The following RARB variants were observed in gnomAD, a reference collection of about 807,000 sequenced individuals.
RARB encodes the protein HBV-activated protein.
Under a neutral mutation model 51.9 loss-of-function variants are expected in RARB, and 17 were observed. The observed-to-expected ratio is 0.33, with a 90% CI of 0.22 to 0.49. The LOEUF is 0.49. Ranked by LOEUF, RARB falls within the 20% of genes least tolerant of loss-of-function variation. RARB has a pLI of 0.99. For synonymous variants in RARB, 215 were observed against 195.4 expected, an observed-to-expected ratio of 1.10 and a Z score of -0.84; for missense variants, 369 against 550.8, an observed-to-expected ratio of 0.67 and a Z score of 3.30.
intron 5 of RARB, among the ~76,000 whole-genome samples, chr3:25,181,021 A>G (rs1455152423): frequency 6.6e-6 from 1 of 152,176 alleles, no homozygotes; most frequent in Non-Finnish European, 1.5e-5. Context: ...CAACTTTTCT[A>G]AGGTTGCTCA....
chr3:25,316,869 A>T (rs1385661525), intron 5 of RARB, among the ~76,000 whole-genome samples: 1 of 152,214 alleles, frequency 6.6e-6, no homozygotes, highest in East Asian at 1.9e-4. Context: ...CTAAAATTCA[A>T]GAAGGAACTC....
At chr3:25,390,574 C>A (rs1575365192) in intron 5 of RARB, among the ~76,000 whole-genome samples, 1 of 148,388 alleles carries the variant, frequency 6.7e-6, no homozygotes, top group Non-Finnish European at 1.5e-5. Flanking sequence ...AAGACCCGTT[C>A]ATTTTTTTCT....
intron 1 of RARB, chr3:25,458,177 G>A (rs1322885846): frequency 6.6e-6 from 1 of 152,208 alleles, no homozygotes; most frequent in Admixed American, 6.5e-5. Context: ...TAAAGATGTG[G>A]TGAGATTAGC....
chr3:25,563,313 A>G (rs1249160448), intron 3 of RARB, among the ~76,000 whole-genome samples: 1 of 152,194 alleles, frequency 6.6e-6, no homozygotes, highest in Non-Finnish European at 1.5e-5. Context: ...CATTCAACAC[A>G]TACTCTTCGG....
At chr3:25,034,539 C>A (rs1322707551) in intron 2 of RARB, among the ~76,000 whole-genome samples, 1 of 152,192 alleles carries the variant, frequency 6.6e-6, no homozygotes, top group African/African-American at 2.4e-5. Flanking sequence ...CTCAGTGTTA[C>A]AAAAGTAGAT....
intron 1 of RARB, among the ~76,000 whole-genome samples, chr3:24,843,983 T>C (rs1182132639): frequency 6.6e-6 from 1 of 151,614 alleles, no homozygotes; most frequent in Non-Finnish European, 1.5e-5. Flanking sequence ...CACTTGCACA[T>C]ACATCAATAG....
At chr3:24,879,744 T>C (rs1703120073) in intron 2 of RARB, among the ~76,000 whole-genome samples, 1 of 152,174 alleles carries the variant, frequency 6.6e-6, no homozygotes, top group Non-Finnish European at 1.5e-5. Context: ...ACTGTAAACC[T>C]GTGTGAGGTC....
chr3:25,397,299 A>G (rs1258796130), intron 5 of RARB, among the ~76,000 whole-genome samples: 23 of 152,134 alleles, frequency 1.5e-4, no homozygotes. Flanking sequence ...TCCTTCTCCC[A>G]TGATCTGGAT....
chr3:25,471,796 A>G (rs796277644), intron 2 of RARB, among the ~76,000 whole-genome samples: 22 of 152,328 alleles, frequency 1.4e-4, no homozygotes, highest in African/African-American at 5.3e-4. Flanking sequence ...CTATTATTGC[A>G]ATTATCCTCT....
chr3:25,072,820 T>C (rs1416047689), intron 3 of RARB, among the ~76,000 whole-genome samples: 1 of 152,062 alleles, frequency 6.6e-6, no homozygotes, highest in Non-Finnish European at 1.5e-5. Flanking sequence ...GCCATTCTCC[T>C]GCCTCAGCCT....
At chr3:25,547,760 A>G (rs1279053637) in intron 3 of RARB, among the ~76,000 whole-genome samples, 4 of 152,230 alleles carry the variant, frequency 2.6e-5, no homozygotes, top group Non-Finnish European at 5.9e-5. Flanking sequence ...GAATGGACAT[A>G]GAGAAGGCAG....
In RARB at chr3:25,252,559, ACTT is replaced by A. The variant is rs1702752611; in HGVS notation, c.178+77988_178+77990del. 2.0e-5 allele frequency among the ~76,000 whole-genome samples: 3 copies of A among 152,120 alleles called. No individual in the cohort carries two copies. In the South Asian group the frequency reaches 6.2e-4, roughly 32 times the overall value. On this transcript the variant is annotated intron_variant, in intron 5 of 11. Coordinates refer to the RARB transcript ENST00000383772. The stretch of plus-strand genomic sequence containing the variant: ...GTAGTTTTCAGTGAACAAGCCTTGC[ACTT>A]CTTTTGCTAAGCTTATTCCGAACTA...
intron 5 of RARB, among the ~76,000 whole-genome samples, chr3:25,378,198 G>A (rs766233176): frequency 1.3e-5 from 2 of 152,130 alleles, no homozygotes; most frequent in Non-Finnish European, 2.9e-5. Flanking sequence ...ATGCATGCAC[G>A]AGGGTATTTT....
intron 5 of RARB, among the ~76,000 whole-genome samples, chr3:25,346,504 A>T (rs768329933): frequency 8.6e-5 from 13 of 151,094 alleles, no homozygotes; most frequent in Non-Finnish European, 1.3e-4. Flanking sequence ...TTTTATCTCT[A>T]CTCCCTGTTT....
chr3:24,961,215 A>G (rs1696132938), intron 2 of RARB, among the ~76,000 whole-genome samples: 2 of 152,262 alleles, frequency 1.3e-5, no homozygotes, highest in African/African-American at 4.8e-5. Context: ...CTGTTGTTCA[A>G]TTAAAAAAAT....
chr3:24,986,029 T>C (rs866439100), intron 2 of RARB, among the ~76,000 whole-genome samples: 3 of 152,320 alleles, frequency 2.0e-5, no homozygotes, highest in African/African-American at 7.2e-5. Context: ...CTCCCCAGCG[T>C]TGGAATATTT....
intron 2 of RARB, among the ~76,000 whole-genome samples, chr3:25,044,474 T>C (rs1698174770): frequency 6.6e-6 from 1 of 152,128 alleles, no homozygotes; most frequent in African/African-American, 2.4e-5. Context: ...TTTTTATATA[T>C]ATTTAGGGCT....
intron 2 of RARB, among the ~76,000 whole-genome samples, chr3:24,996,496 G>A (rs923222973): frequency 1.3e-5 from 2 of 151,522 alleles, no homozygotes; most frequent in East Asian, 1.9e-4. Context: ...TTCTAATTTT[G>A]AGTTTTGCTT....
chr3:24,857,574 G>GT (rs918082952), intron 1 of RARB, among the ~76,000 whole-genome samples: 34 of 152,110 alleles, frequency 2.2e-4, no homozygotes, highest in Non-Finnish European at 4.4e-5. Context: ...TCAGCATCCC[G>GT]TATTTTTACT....
Sources: gnomAD v4.1 joint callset for allele counts (sites outside exome capture counted in the v4.1 genomes callset) on GRCh38, gnomAD v4.1.1 for gene constraint, MANE v1.5 for transcripts, NCBI Gene and HGNC (gene_info 2026-07-23, HGNC 2026-07-21) for gene names.